The following LAMA3 variants were observed in gnomAD, a reference collection of about 807,000 sequenced individuals.
LAMA3 encodes laminin subunit alpha 3.
A neutral mutation model predicts 402.0 loss-of-function variants in LAMA3; 281 were observed. That is an observed-to-expected ratio of 0.70 (90% CI 0.63 to 0.77). The LOEUF (loss-of-function observed/expected upper bound fraction) is 0.77, where lower values mean the gene tolerates loss of function less well. Ranked by LOEUF, LAMA3 falls within the 30% of genes least tolerant of loss-of-function variation. LAMA3 has a pLI of 0.00. For synonymous variants in LAMA3, 1,431 were observed against 1,558.4 expected, an observed-to-expected ratio of 0.92 and a Z score of 1.93; for missense variants, 3,840 against 4,215.5, an observed-to-expected ratio of 0.91 and a Z score of 2.47.
chr18:23,895,921 T>G (rs908878380), intron 44 of LAMA3, among the ~76,000 whole-genome samples: 1 of 152,242 alleles, frequency 6.6e-6, no homozygotes, highest in Non-Finnish European at 1.5e-5. Context: ...CCTATCAGTT[T>G]TATCACTAAG....
chr18:23,825,832 A>G (rs1454250752), intron 21 of LAMA3, among the ~76,000 whole-genome samples: 4 of 152,160 alleles, frequency 2.6e-5, no homozygotes, highest in Admixed American at 2.6e-4. Context: ...AAGGGTGCCT[A>G]TGATCAACCT....
intron 12 of LAMA3, among the ~76,000 whole-genome samples, chr18:23,785,657 T>C (rs1361122314): frequency 6.6e-6 from 1 of 152,190 alleles, no homozygotes. Flanking sequence ...TCCAGCCATC[T>C]CCCTGTTTGT....
intron 2 of LAMA3, among the ~76,000 whole-genome samples, chr18:23,725,456 G>A (rs2061283678): frequency 6.6e-6 from 1 of 152,222 alleles, no homozygotes. Flanking sequence ...CTTGAGGAGG[G>A]TGCCATGCTG....
rs758569987 is a variant in LAMA3, at chr18:23,916,664, A to T, written c.7892A>T (p.Asp2631Val). Residue 2631 changes from aspartate (D) to valine (V), a missense_variant, in exon 60 of 75, where the codon GAT becomes GTT. This residue lies in a region of LAMA3 where 840 missense variants were observed against 981.9 expected (regional missense o/e 0.86). Transcript: ENST00000313654. ...GGACAGACAATTCAGACCACCGTGG[A>T]TAGAGGCTTGCTGTTCTTTGCAGAA... is the stretch of plus-strand genomic sequence containing the variant. ...TFGQTIQTTVDRGLLFFAENG... is the reference protein window; with the variant it reads ...TFGQTIQTTVVRGLLFFAENG... The T allele has an allele frequency of 4.3e-6, 7 of 1,614,022 alleles. No homozygotes were observed. The highest frequency in any genetic ancestry group is 5.9e-6 in the Non-Finnish European group (7 of 1,180,014).
At chr18:23,816,593 C>A (rs12608087) in intron 18 of LAMA3, 106 bp downstream of exon 18, 2 of 921,766 alleles carry the variant, frequency 2.2e-6, no homozygotes, top group Non-Finnish European at 3.5e-6. Flanking sequence ...CCCTAAAGAT[C>A]GAGGTCAGGG....
rs2063658673 is a variant in LAMA3, at chr18:23,839,808, A to G, written c.3215A>G (p.His1072Arg). Residue 1072 changes from histidine (H) to arginine (R), a missense_variant, in exon 27 of 75, where the codon CAT becomes CGT. His to Arg is a conservative substitution (Grantham distance 29, BLOSUM62 0). Transcript: ENST00000313654. The surrounding 1 kb of genome is among the most constrained non-coding windows in gnomAD (Gnocchi z 4.5). ...NQSATCVSLA[H>R]ETPPTALILD... ...AGTGCCACCTGTGTCTCCTTGGCCCATGAAACTCCTCCAACAGCATTAATT... is the reference window on the plus strand; with the variant it reads ...AGTGCCACCTGTGTCTCCTTGGCCCGTGAAACTCCTCCAACAGCATTAATT... 2 of 1,614,154 alleles carry G rather than the reference A, an allele frequency of 1.2e-6. No homozygotes were observed. Among genetic ancestry groups the G allele is most frequent in the African/African-American group, 1.3e-5 (1 of 75,038 alleles).
In LAMA3 at chr18:23,812,964, A is replaced by G. The variant is rs546885919; in HGVS notation, c.1742-93A>G. ...TCGAAAATATAAATGTAGATACACT[A>G]TTTTTGAAAACAAAACGTTTAAAAC... On this transcript the variant is annotated intron_variant, in intron 13 of 74. Coordinates refer to ENST00000313654, the MANE Select transcript of LAMA3 (RefSeq NM_198129.4). 62 of 869,506 alleles carry G rather than the reference A, an allele frequency of 7.1e-5. No homozygotes were observed. In the African/African-American group the frequency reaches 8.9e-4, roughly 13 times the overall value. 53.9% of individuals were successfully genotyped at this position (869,506 alleles called of 1,614,324 possible).
rs767496644 is a variant in LAMA3, at chr18:23,907,642, G to A, written c.6811G>A (p.Asp2271Asn). ...AGACACCAATCTCACAACTCTCCGA[G>A]ATGGTCTTCATGGGATACAGAGAGG... The part of the protein sequence containing the change: ...VIDTNLTTLR[D>N]GLHGIQRGDI... Residue 2271 changes from aspartate to asparagine, a missense_variant, in exon 53 of 75, where the codon GAT (aspartate) becomes AAT (asparagine). By Grantham distance (23) the Asp-to-Asn change is conservative (BLOSUM62 1). Coordinates refer to ENST00000313654, the MANE Select transcript of LAMA3 (RefSeq NM_198129.4). 28 of 1,613,550 alleles carry A rather than the reference G, an allele frequency of 1.7e-5. No homozygotes were observed. The highest frequency in any genetic ancestry group is 2.2e-5 in the Non-Finnish European group (26 of 1,179,410).
Position 23,762,860 on chromosome 18 carries a change from A to T in LAMA3, c.1064-545A>T, listed in dbSNP as rs201354044. Reference sequence around the variant, plus strand: ...AGCCTCCCAAGTAGTATATATATATATTTTTTTTTTTTTTGAGATGGAGTC... The same window carrying T: ...AGCCTCCCAAGTAGTATATATATATTTTTTTTTTTTTTTTGAGATGGAGTC... On this transcript the variant is annotated intron_variant, in intron 7 of 74. Coordinates refer to ENST00000313654, the MANE Select transcript of LAMA3 (RefSeq NM_198129.4). Among the ~76,000 whole-genome samples, 284 of 106,802 alleles carry T rather than the reference A, an allele frequency of 2.7e-3. 6 individuals carry two copies. The East Asian group carries it at 0.088, about 33-fold the overall frequency. 70.1% of individuals were successfully genotyped at this position (106,802 alleles called of 152,430 possible).
At chr18:23,721,023 T>G (rs1598644833) in intron 2 of LAMA3, among the ~76,000 whole-genome samples, 1 of 152,054 alleles carries the variant, frequency 6.6e-6, no homozygotes, top group East Asian at 1.9e-4. Flanking sequence ...CCAGGCATGG[T>G]GGCACACACT....
chr18:23,747,065 C>T (rs761189497), intron 2 of LAMA3, among the ~76,000 whole-genome samples: 5 of 151,926 alleles, frequency 3.3e-5, no homozygotes, highest in East Asian at 3.9e-4. Context: ...AGACAGTCAC[C>T]GGGAAATCTG....
Position 23,933,925 on chromosome 18 carries a change from G to A in LAMA3, c.8852G>A (p.Arg2951His), listed in dbSNP as rs371662501. ...STRFNKTKTF[R>H]INQLLQDTPV... ...AGGTTTAACAAGACCAAGACTTTTC[G>A]TATCAACCAGGTAAGTGTCCAAACC... Residue 2951 changes from arginine to histidine, a missense_variant, in exon 67 of 75, where the codon CGT becomes CAT. This residue lies in a region of LAMA3 where 840 missense variants were observed against 981.9 expected (regional missense o/e 0.86). Coordinates refer to ENST00000313654, the MANE Select transcript of LAMA3 (RefSeq NM_198129.4). 62 of 1,613,920 alleles carry A rather than the reference G, an allele frequency of 3.8e-5. No homozygotes were observed. Among genetic ancestry groups the A allele is most frequent in the African/African-American group, 5.3e-5 (4 of 74,906 alleles).
Position 23,689,673 on chromosome 18 carries a change from C to T in LAMA3, c.-11C>T. 4.6e-6 allele frequency: 6 copies of T among 1,312,264 alleles called. No homozygotes were observed. Among genetic ancestry groups the T allele is most frequent in the Non-Finnish European group, 5.8e-6 (6 of 1,037,066 alleles). 81.3% of individuals were successfully genotyped at this position (1,312,264 alleles called of 1,614,324 possible). A position where few individuals can be genotyped will look rare whatever the true frequency, so the allele number is the denominator to read the frequency against. On this transcript the variant is annotated 5_prime_UTR_variant, in exon 1 of 75. Transcript: ENST00000313654. ...GCGGACGGCTCAGGCGGGAGGACCC[C>T]GCGCGGCTGGATGGCGGCGGCCGCG...
chr18:23,729,167 G>A (rs963351634), intron 2 of LAMA3, among the ~76,000 whole-genome samples: 1 of 151,758 alleles, frequency 6.6e-6, no homozygotes, highest in Non-Finnish European at 1.5e-5. Context: ...TGTGTGTAGA[G>A]AGAGAGAGAG....
chr18:23,912,926 T>C (rs1484083313), intron 56 of LAMA3, 45 bp downstream of exon 56: 10 of 1,564,768 alleles, frequency 6.4e-6, no homozygotes, highest in East Asian at 2.2e-5. Flanking sequence ...AACAATGTTT[T>C]TCGAGAGGTG....
intron 2 of LAMA3, among the ~76,000 whole-genome samples, chr18:23,720,590 G>A (rs901324816): frequency 2.6e-5 from 4 of 152,054 alleles, no homozygotes; most frequent in Admixed American, 6.5e-5. Context: ...TCTTGACCTC[G>A]TGATCCACCC....
chr18:23,894,794 G>T, intron 43 of LAMA3, 113 bp from the exon 44 acceptor site: 1 of 1,343,894 alleles, frequency 7.4e-7, no homozygotes, highest in Non-Finnish European at 1.1e-6. Flanking sequence ...GGCTGTGGTT[G>T]TCACCCGTGA....
chr18:23,828,009 C>T (rs951426836), intron 23 of LAMA3, among the ~76,000 whole-genome samples: 7 of 152,110 alleles, frequency 4.6e-5, no homozygotes, highest in East Asian at 1.9e-4. Flanking sequence ...AGGAGTTCTT[C>T]GAACTTCAGA....
At chr18:23,763,151 C>G (rs988883033) in intron 7 of LAMA3, among the ~76,000 whole-genome samples, 11 of 152,098 alleles carry the variant, frequency 7.2e-5, no homozygotes, top group African/African-American at 2.7e-4. Flanking sequence ...AGCCACTATG[C>G]CTAGCCCCAA....
Sources: gnomAD v4.1 joint callset for allele counts (sites outside exome capture counted in the v4.1 genomes callset) on GRCh38, gnomAD v4.1.1 for gene constraint, gnomAD v4.1.1 regional missense constraint, Gnocchi (gnomAD v3.1) non-coding constraint, MANE v1.5 for transcripts, NCBI Gene and HGNC (gene_info 2026-07-23, HGNC 2026-07-21) for gene names.